RAB21: variants seen among roughly 807,000 people sequenced by gnomAD.
RAB21 encodes the protein ras-related protein Rab-21.
A neutral mutation model predicts 33.1 loss-of-function variants in RAB21; 13 were observed. That is an observed-to-expected ratio of 0.39 (90% CI 0.26 to 0.62). RAB21 has a LOEUF of 0.62. Ranked by LOEUF, RAB21 falls within the 20% of genes least tolerant of loss-of-function variation. The pLI is 0.48. For synonymous variants in RAB21, 91 were observed against 103.7 expected (o/e 0.88, Z 0.74); for missense variants, 234 against 279.1 (o/e 0.84, Z 1.15).
chr12:71,779,189 G>T (rs538407031), intron 4 of RAB21, among the ~76,000 whole-genome samples: 4 of 152,312 alleles, frequency 2.6e-5, no homozygotes, highest in African/African-American at 9.6e-5. Flanking sequence ...GCCAGGCGTG[G>T]TGACTCTGGC....
rs1377431052 is a variant in RAB21, at chr12:71,792,767, C to G, written c.*7094C>G. On this transcript the variant is annotated 3_prime_UTR_variant, in exon 7 of 7. Transcript: ENST00000261263. ...AGAACCAGATAGCCAAAGTGCCTTC[C>G]TTTATCGTTGGAACCTAGAGATGAG... 1 of 152,200 alleles carries G rather than the reference C, an allele frequency of 6.6e-6. No homozygotes were observed. Among genetic ancestry groups the G allele is most frequent in the Non-Finnish European group, 1.5e-5 (1 of 68,054 alleles). 9.4% of individuals were successfully genotyped at this position (152,200 alleles called of 1,614,324 possible).
At chr12:71,766,221 A>G (rs575645524) in intron 1 of RAB21, among the ~76,000 whole-genome samples, 9 of 152,288 alleles carry the variant, frequency 5.9e-5, no homozygotes, top group East Asian at 1.9e-4. Context: ...TTGATTGTCA[A>G]TTATGGGCAG....
intron 1 of RAB21, among the ~76,000 whole-genome samples, chr12:71,758,743 T>C (rs1249229706): frequency 6.6e-6 from 1 of 152,130 alleles, no homozygotes; most frequent in African/African-American, 2.4e-5. Flanking sequence ...CCTCTTGAAA[T>C]GCTGAAATTA....
chr12:71,782,094 T>A lies in RAB21; in HGVS notation c.446+9T>A. 1.2e-6 allele frequency: 2 copies of A among 1,604,584 alleles called. No homozygotes were observed. The highest frequency in any genetic ancestry group is 8.5e-7 in the Non-Finnish European group (1 of 1,172,178). ...ATTCAAGAAGCAGAGTCGTAAGTAC[T>A]GTGACCCTCCCATTCCCCATCACTC... On this transcript the variant is annotated intron_variant, in intron 5 of 6. Transcript: ENST00000261263.
chr12:71,765,455 AT>A (rs1882945764), intron 1 of RAB21, among the ~76,000 whole-genome samples: 1 of 152,130 alleles, frequency 6.6e-6, no homozygotes, highest in Non-Finnish European at 1.5e-5. Context: ...TTTCAGTTTA[AT>A]TAGGTACCAT....
chr12:71,773,518 T>C (rs1883074027), intron 3 of RAB21, among the ~76,000 whole-genome samples: 1 of 151,552 alleles, frequency 6.6e-6, no homozygotes, highest in Non-Finnish European at 1.5e-5. Context: ...CATTTTTTTT[T>C]CTTTGTCTTT....
In RAB21 at chr12:71,789,746, A is replaced by G. The variant is rs79462310; in HGVS notation, c.*4073A>G. On this transcript the variant is annotated 3_prime_UTR_variant, in exon 7 of 7. Coordinates refer to ENST00000261263, the MANE Select transcript of RAB21 (RefSeq NM_014999.4). ...CTACTTGATTTCATAATATGCATTG[A>G]TTTTAGTATGTTGCTGTTCTGTTAT... 6.6e-6 allele frequency: 1 copy of G among 152,124 alleles called. No homozygotes were observed. Among genetic ancestry groups the G allele is most frequent in the East Asian group, 1.9e-4 (1 of 5,196 alleles). The allele number at this position is 152,124 out of a possible 1,614,324, so 9.4% of individuals were successfully genotyped here.
intron 4 of RAB21, among the ~76,000 whole-genome samples, chr12:71,775,950 C>T (rs975061433): frequency 5.3e-5 from 8 of 152,254 alleles, no homozygotes; most frequent in African/African-American, 1.9e-4. Context: ...ATGATTTCCC[C>T]TGCGTTTTGG....
At chr12:71,781,922 G>A in intron 4 of RAB21, 109 bp from the exon 5 acceptor site, 1 of 754,900 alleles carries the variant, frequency 1.3e-6, no homozygotes, top group Admixed American at 2.5e-5. Flanking sequence ...GTGGGGATTT[G>A]CATTATTTTT....
In RAB21 at chr12:71,788,699, A is replaced by G. The variant is rs1005787587; in HGVS notation, c.*3026A>G. ...ATTTTTTCAGCCAGTAAGCATATACAGTTAACTTATATAATTAAAAATTGG... is the reference window on the plus strand; with the variant it reads ...ATTTTTTCAGCCAGTAAGCATATACGGTTAACTTATATAATTAAAAATTGG... On this transcript the variant is annotated 3_prime_UTR_variant, in exon 7 of 7. Coordinates refer to ENST00000261263, the MANE Select transcript of RAB21 (RefSeq NM_014999.4). 3 of 152,220 alleles carry G rather than the reference A, an allele frequency of 2.0e-5. No individual in the cohort carries two copies. The highest frequency in any genetic ancestry group is 7.2e-5 in the African/African-American group (3 of 41,474). The allele number at this position is 152,220 out of a possible 1,614,324, so 9.4% of individuals were successfully genotyped here. A position where few individuals can be genotyped will look rare whatever the true frequency, so the allele number is the denominator to read the frequency against.
At chr12:71,779,437 G>A (rs1338297593) in intron 4 of RAB21, among the ~76,000 whole-genome samples, 1 of 152,110 alleles carries the variant, frequency 6.6e-6, no homozygotes, top group Non-Finnish European at 1.5e-5. Context: ...CTGAGTGACA[G>A]AGCAAGACCC....
rs185354922 is a variant in RAB21 at position 71,788,449 on chromosome 12, A to T, written c.*2776A>T. On this transcript the variant is annotated 3_prime_UTR_variant, in exon 7 of 7. Coordinates refer to ENST00000261263, the MANE Select transcript of RAB21 (RefSeq NM_014999.4). ...TGGCTGCTGTCACTTTGAAACCCAA[A>T]AGGTCTTTGGGTAGGAATAGAGTAA... is the stretch of plus-strand genomic sequence containing the variant. The T allele has an allele frequency of 6.6e-6, 1 of 152,292 alleles. No homozygotes were observed. The highest frequency in any genetic ancestry group is 1.5e-5 in the Non-Finnish European group (1 of 68,004). 9.4% of individuals were successfully genotyped at this position (152,292 alleles called of 1,614,324 possible). A position where few individuals can be genotyped will look rare whatever the true frequency, so the allele number is the denominator to read the frequency against.
intron 4 of RAB21, among the ~76,000 whole-genome samples, chr12:71,776,002 T>A (rs1289923331): frequency 1.3e-5 from 2 of 152,188 alleles, no homozygotes; most frequent in Non-Finnish European, 2.9e-5. Context: ...TATTTCAGAC[T>A]GGAACACTGA....
At chr12:71,773,387 A>C (rs966944105) in intron 3 of RAB21, among the ~76,000 whole-genome samples, 6 of 152,368 alleles carry the variant, frequency 3.9e-5, no homozygotes, top group African/African-American at 1.4e-4. Context: ...TGCACAGAGC[A>C]GTGCCTCACA....
chr12:71,754,890 G>C lies in RAB21; in HGVS notation c.-240G>C. The C allele has an allele frequency of 5.4e-6, 1 of 186,802 alleles. No individual in the cohort carries two copies. Among genetic ancestry groups the C allele is most frequent in the Non-Finnish European group, 1.0e-5 (1 of 98,054 alleles). The allele number at this position is 186,802 out of a possible 1,614,324, so 11.6% of individuals were successfully genotyped here. On this transcript the variant is annotated 5_prime_UTR_variant, in exon 1 of 7. Coordinates refer to ENST00000261263, the MANE Select transcript of RAB21 (RefSeq NM_014999.4). The stretch of plus-strand genomic sequence containing the variant: ...AGGAGGAAGGAGACGCCATTAGAGG[G>C]AGGCAGAGAGGGATCGTTCTTCGCT...
rs892530444 is a variant in RAB21, at chr12:71,786,971, G to A, written c.*1298G>A. 1 of 152,198 alleles carries A rather than the reference G, an allele frequency of 6.6e-6. No homozygotes were observed. The allele number at this position is 152,198 out of a possible 1,614,324, so 9.4% of individuals were successfully genotyped here. A position where few individuals can be genotyped will look rare whatever the true frequency, so the allele number is the denominator to read the frequency against. On this transcript the variant is annotated 3_prime_UTR_variant, in exon 7 of 7. Coordinates refer to ENST00000261263, the MANE Select transcript of RAB21 (RefSeq NM_014999.4). Reference sequence around the variant, plus strand: ...GGCTTTATAAGAGATGGGTTCAGTGGTATGAGCAGAGGAAGAGATCCCAGA... The same window carrying A: ...GGCTTTATAAGAGATGGGTTCAGTGATATGAGCAGAGGAAGAGATCCCAGA...
At chr12:71,781,819 A>G (rs1049076624) in intron 4 of RAB21, among the ~76,000 whole-genome samples, 1 of 152,194 alleles carries the variant, frequency 6.6e-6, no homozygotes, top group Admixed American at 6.5e-5. Flanking sequence ...GATTCAGGAA[A>G]GGTATGAATT....
intron 1 of RAB21, among the ~76,000 whole-genome samples, chr12:71,760,092 G>T (rs1467256500): frequency 1.3e-5 from 2 of 152,182 alleles, no homozygotes; most frequent in Non-Finnish European, 2.9e-5. Flanking sequence ...GTCAAAAAGG[G>T]TAATGGGATT....
At chr12:71,766,380 G>T (rs971608633) in intron 1 of RAB21, among the ~76,000 whole-genome samples, 1 of 152,064 alleles carries the variant, frequency 6.6e-6, no homozygotes, top group East Asian at 1.9e-4. Flanking sequence ...GTCACTTACT[G>T]TGTGACCTTG....
Sources: allele counts gnomAD v4.1 joint callset (sites outside exome capture counted in the v4.1 genomes callset), GRCh38; gene constraint gnomAD v4.1.1; transcripts MANE v1.5; gene names NCBI Gene and HGNC (gene_info 2026-07-23, HGNC 2026-07-21).